The following ZNF324B variants were observed in gnomAD, a reference collection of about 807,000 sequenced individuals.
ZNF324B encodes zinc finger protein 324B.
A neutral mutation model predicts 10.6 loss-of-function variants in ZNF324B; 7 were observed. The ratio of observed to expected loss-of-function variants is 0.66; its 90% CI spans 0.38 to 1.24. The LOEUF (loss-of-function observed/expected upper bound fraction) is 1.24, where lower values mean the gene tolerates loss of function less well. ZNF324B is among the 50% of genes most tolerant of loss of function. ZNF324B has a pLI of 0.02. For synonymous variants in ZNF324B, 316 were observed against 321.0 expected (o/e 0.98, Z 0.17); for missense variants, 640 against 764.7 (o/e 0.84, Z 1.92).
chr19:58,427,395 T>C, the ZNF324B span, among the ~76,000 whole-genome samples: 132 of 51,904 alleles, frequency 2.5e-3, 1 homozygote, highest in Middle Eastern at 8.5e-3. Context: ...TCTTTCTTTC[T>C]TTCTTTCTTT....
the ZNF324B span, among the ~76,000 whole-genome samples, chr19:58,426,655 C>T: frequency 6.6e-6 from 1 of 152,162 alleles, no homozygotes. Flanking sequence ...TCAACAGATG[C>T]TGACACTAGC....
chr19:58,451,410 C>A (rs1053000119), upstream of ZNF324B, among the ~76,000 whole-genome samples: 1 of 152,256 alleles, frequency 6.6e-6, no homozygotes, highest in African/African-American at 2.4e-5. Flanking sequence ...ACCAGTGCCA[C>A]GGAGCCCTTG....
At chr19:58,452,784 T>C in intron 1 of ZNF324B, 1 of 400,552 alleles carries the variant, frequency 2.5e-6, no homozygotes. Context: ...AGCTTGAGGG[T>C]AAAGAAAACC....
the ZNF324B span, chr19:58,435,092 T>C: frequency 1.2e-6 from 2 of 1,614,174 alleles, no homozygotes; most frequent in South Asian, 1.1e-5. Context: ...GGCCCACACA[T>C]GTCACAGGAG....
At chr19:58,439,395 G>A in the ZNF324B span, among the ~76,000 whole-genome samples, 1 of 152,188 alleles carries the variant, frequency 6.6e-6, no homozygotes, top group South Asian at 2.1e-4. Context: ...TCCTCAGGCT[G>A]CCATTCCAGG....
the ZNF324B span, among the ~76,000 whole-genome samples, chr19:58,446,582 T>C: frequency 4.8e-5 from 7 of 145,760 alleles, no homozygotes; most frequent in Admixed American, 1.4e-4. Flanking sequence ...TCTTTTTTTT[T>C]TTTTTTTTTT....
At chr19:58,425,584 C>T in the ZNF324B span, among the ~76,000 whole-genome samples, 1 of 151,808 alleles carries the variant, frequency 6.6e-6, no homozygotes, top group Non-Finnish European at 1.5e-5. Context: ...AACTCTCCTA[C>T]CTCAGCCTCC....
the ZNF324B span, chr19:58,440,256 A>G: frequency 8.7e-6 from 2 of 229,312 alleles, no homozygotes; most frequent in South Asian, 4.7e-5. Context: ...CTATTTCCCT[A>G]TGCCCGTCAC....
In ZNF324B at chr19:58,456,524, G is replaced by C; in HGVS notation, c.1580G>C (p.Arg527Pro). 1 of 1,614,218 alleles carries C rather than the reference G, an allele frequency of 6.2e-7. No homozygotes were observed. The highest frequency in any genetic ancestry group is 1.1e-5 in the South Asian group (1 of 91,082). ...PGPGFLQGHH[R>P]KVRRGGKPSP... ...CCAGGTTTCCTTCAGGGACATCATC[G>C]GAAGGTGCGCCGGGGAGGGAAGCCA... The change falls in exon 4 of 4, where the codon CGG becomes CCG. Residue 527 changes from arginine to proline, a missense_variant. Physicochemically the swap from Arg to Pro is moderately radical, Grantham distance 103 (BLOSUM62 -2). Transcript: ENST00000336614. This position sits in a 1 kb window ranked among gnomAD's most constrained non-coding sequence, Gnocchi z 4.7.
At position 58,451,643 on chromosome 19, in the gene ZNF324B, G is replaced by C. The variant is rs2052857642; in HGVS notation, c.-68G>C. The C allele has an allele frequency of 1.9e-6, 1 of 516,652 alleles. No homozygotes were observed. The highest frequency in any genetic ancestry group is 3.9e-6 in the Non-Finnish European group (1 of 258,862). 32.0% of individuals were successfully genotyped at this position (516,652 alleles called of 1,614,324 possible). On this transcript the variant is annotated 5_prime_UTR_variant, in exon 1 of 4. Transcript: ENST00000336614. ...GACTGTCACTTGGCTGCTCGCGTCAGGCCACACCGGTGGTCTGGGCTGTGG... is the reference window on the plus strand; with the variant it reads ...GACTGTCACTTGGCTGCTCGCGTCACGCCACACCGGTGGTCTGGGCTGTGG...
At chr19:58,425,972 C>T in the ZNF324B span, among the ~76,000 whole-genome samples, 7 of 152,210 alleles carry the variant, frequency 4.6e-5, no homozygotes, top group Non-Finnish European at 7.3e-5. Context: ...ACTTGTGCTT[C>T]TTTCTTAGAT....
the ZNF324B span, among the ~76,000 whole-genome samples, chr19:58,427,967 G>C: frequency 4.5e-4 from 69 of 152,264 alleles, no homozygotes; most frequent in Middle Eastern, 3.4e-3. Context: ...GGAGACATTA[G>C]CATCTTCCAT....
At chr19:58,430,852 C>T in the ZNF324B span, 1 of 152,224 alleles carries the variant, frequency 6.6e-6, no homozygotes, top group Non-Finnish European at 1.5e-5. Flanking sequence ...CTATCATGGC[C>T]TGCCCGGTGT....
chr19:58,421,100 C>A, the ZNF324B span, among the ~76,000 whole-genome samples: 1 of 151,770 alleles, frequency 6.6e-6, no homozygotes, highest in Non-Finnish European at 1.5e-5. Context: ...TGCTAAGGGG[C>A]AGTAACTTCC....
the ZNF324B span, chr19:58,434,534 A>G: frequency 3.1e-6 from 5 of 1,614,076 alleles, no homozygotes; most frequent in African/African-American, 1.3e-5. Context: ...CTCAGCTTAG[A>G]TGAGTGACTA....
At chr19:58,452,761 C>A in intron 1 of ZNF324B, 1 of 594,602 alleles carries the variant, frequency 1.7e-6, no homozygotes, top group Non-Finnish European at 2.1e-6. Context: ...AGCAGTCAGG[C>A]GTGCGGAGTT....
chr19:58,439,985 C>A, the ZNF324B span: 1 of 671,214 alleles, frequency 1.5e-6, no homozygotes, highest in Non-Finnish European at 2.5e-6. Context: ...ACGCGTGGCG[C>A]TGGCTCCACT....
At chr19:58,435,427 G>A in the ZNF324B span, 2 of 535,584 alleles carry the variant, frequency 3.7e-6, no homozygotes, top group South Asian at 2.7e-5. Context: ...CCAGGGGTAA[G>A]GACACAGAAA....
the ZNF324B span, among the ~76,000 whole-genome samples, chr19:58,423,637 G>C: frequency 7.2e-5 from 11 of 152,330 alleles, no homozygotes; most frequent in Admixed American, 7.2e-4. Context: ...AAAGAGCAAA[G>C]CTGGAAGCAT....
Sources: allele counts gnomAD v4.1 joint callset (sites outside exome capture counted in the v4.1 genomes callset), GRCh38; gene constraint gnomAD v4.1.1; non-coding constraint Gnocchi (gnomAD v3.1); transcripts MANE v1.5; gene names NCBI Gene and HGNC (gene_info 2026-07-23, HGNC 2026-07-21).